Variants in NPAS2 observed in about 807,000 individuals in gnomAD.
NPAS2 encodes the protein neuronal PAS domain protein 2.
Under a neutral mutation model 107.5 loss-of-function variants are expected in NPAS2, and 23 were observed. The ratio of observed to expected loss-of-function variants is 0.21; its 90% CI spans 0.15 to 0.30. The LOEUF (loss-of-function observed/expected upper bound fraction) is 0.30, where lower values mean the gene tolerates loss of function less well. Ranked by LOEUF, NPAS2 falls within the 10% of genes least tolerant of loss-of-function variation. The pLI, the probability that NPAS2 is intolerant of heterozygous loss-of-function variation, is 1.00. For synonymous variants in NPAS2, 403 were observed against 417.5 expected (o/e 0.97, Z 0.42); for missense variants, 756 against 1,043.3 (o/e 0.72, Z 3.79).
At position 100,968,270 on chromosome 2, in the gene NPAS2, T is replaced by G. The variant is rs780011716; in HGVS notation, c.908-11T>G. 33 of 1,613,558 alleles carry G rather than the reference T, an allele frequency of 2.0e-5. No individual in the cohort carries two copies. In the East Asian group the frequency reaches 6.5e-4, roughly 32 times the overall value. On this transcript the variant is annotated splice_polypyrimidine_tract_variant and intron_variant, in intron 10 of 20. Coordinates refer to ENST00000335681, the MANE Select transcript of NPAS2 (RefSeq NM_002518.4). The surrounding 1 kb of genome is among the most constrained non-coding windows in gnomAD (Gnocchi z 5.3). ...CATTGGTTATATGCGGAATCCATTT[T>G]CTACCGACAGTGATGCAGTTTGGCA...
chr2:100,933,555 A>T (rs774009968), intron 4 of NPAS2, among the ~76,000 whole-genome samples: 1 of 152,134 alleles, frequency 6.6e-6, no homozygotes, highest in Non-Finnish European at 1.5e-5. Flanking sequence ...TGAGATGCTC[A>T]TGTTCCTCCC....
At chr2:100,841,922 T>TATGTATACCATATACATAAGTGC (rs1176726138) in intron 1 of NPAS2, among the ~76,000 whole-genome samples, 4 of 152,198 alleles carry the variant, frequency 2.6e-5, no homozygotes, top group Non-Finnish European at 4.4e-5. Context: ...ACTGCACATG[T>TATGTATACCATATACATAAGTGC]ATGTATACCA....
Position 100,941,391 on chromosome 2 carries a change from C to T in NPAS2, c.363+3549C>T, listed in dbSNP as rs139987017. 4.6e-5 allele frequency among the ~76,000 whole-genome samples: 7 copies of T among 152,170 alleles called. No homozygotes were observed. The East Asian group carries it at 5.8e-4, about 13-fold the overall frequency. ...CTAGCCTAGGTAACTCAGCAACACCCGTCTCTACAAAAAATCCAAAAATTG... is the reference window on the plus strand; with the variant it reads ...CTAGCCTAGGTAACTCAGCAACACCTGTCTCTACAAAAAATCCAAAAATTG... On this transcript the variant is annotated intron_variant, in intron 5 of 20. Coordinates refer to ENST00000335681, the MANE Select transcript of NPAS2 (RefSeq NM_002518.4).
chr2:100,869,339 AC>A (rs1407976238), intron 1 of NPAS2, among the ~76,000 whole-genome samples: 4 of 152,154 alleles, frequency 2.6e-5, no homozygotes, highest in Non-Finnish European at 5.9e-5. Context: ...ATCCAGGGTG[AC>A]CTTTTTCCTT....
chr2:100,927,775 C>T (rs923309418), intron 3 of NPAS2, among the ~76,000 whole-genome samples: 5 of 152,224 alleles, frequency 3.3e-5, no homozygotes, highest in African/African-American at 9.6e-5. Flanking sequence ...CCCTTTTCCT[C>T]TCCTTCAAAC....
In NPAS2 at chr2:100,968,036, TATCTGAGG is replaced by T. The variant is rs1477861374; in HGVS notation, c.908-240_908-233del. Among the ~76,000 whole-genome samples, 1 of 152,246 alleles carries T rather than the reference TATCTGAGG, an allele frequency of 6.6e-6. No individual in the cohort carries two copies. The highest frequency in any genetic ancestry group is 1.5e-5 in the Non-Finnish European group (1 of 68,038). On this transcript the variant is annotated intron_variant, in intron 10 of 20. Transcript: ENST00000335681. This position sits in a 1 kb window ranked among gnomAD's most constrained non-coding sequence, Gnocchi z 5.3. The stretch of plus-strand genomic sequence containing the variant: ...TTGAAAATCTGTCTGCATCTGCCCT[TATCTGAGG>T]ATCTCTTTAAGCGTCTGAGCATTTG...
chr2:100,831,824 GATCC>G (rs5832935), intron 1 of NPAS2, among the ~76,000 whole-genome samples: 85,713 of 151,444 alleles, frequency 0.57, 25,035 homozygotes, highest in East Asian at 0.75. Context: ...CCTGGATTTG[GATCC>G]AGTTCAAGGT....
In NPAS2 at chr2:100,941,773, A is replaced by G. The variant is rs150011069; in HGVS notation, c.363+3931A>G. Among the ~76,000 whole-genome samples the G allele has an allele frequency of 9.5e-4, 144 of 152,236 alleles. 2 individuals carry two copies. Among genetic ancestry groups the G allele is most frequent in the African/African-American group, 3.3e-3 (138 of 41,536 alleles). ...GCCTTGGACAGAATGGGGAAAGAGT[A>G]CGGCTGAGGCAGAACCAAATGAGAG... On this transcript the variant is annotated intron_variant, in intron 5 of 20. Coordinates refer to ENST00000335681, the MANE Select transcript of NPAS2 (RefSeq NM_002518.4).
intron 4 of NPAS2, among the ~76,000 whole-genome samples, chr2:100,933,336 G>C (rs1684090635): frequency 6.6e-6 from 1 of 152,208 alleles, no homozygotes; most frequent in Admixed American, 6.5e-5. Context: ...AGATGAATCA[G>C]CTTGCACTGT....
chr2:100,855,756 C>T (rs937796345), intron 1 of NPAS2, among the ~76,000 whole-genome samples: 1 of 152,206 alleles, frequency 6.6e-6, no homozygotes, highest in Non-Finnish European at 1.5e-5. Flanking sequence ...GGCAACCAGG[C>T]CCATTCCCCA....
intron 15 of NPAS2, among the ~76,000 whole-genome samples, chr2:100,982,028 C>T (rs1677471839): frequency 6.6e-6 from 1 of 152,218 alleles, no homozygotes; most frequent in East Asian, 1.9e-4. Flanking sequence ...CTGAGAAAGA[C>T]TGGTGCAGGG....
At chr2:100,939,131 G>A (rs1320391254) in intron 5 of NPAS2, among the ~76,000 whole-genome samples, 3 of 152,138 alleles carry the variant, frequency 2.0e-5, no homozygotes, top group East Asian at 1.9e-4. Context: ...ACATCATCCT[G>A]GGTCATACCT....
At chr2:100,990,579 G>A in intron 18 of NPAS2, 133 bp downstream of exon 18, 1 of 1,103,436 alleles carries the variant, frequency 9.1e-7, no homozygotes. Context: ...CTCAGCTAAG[G>A]AAGCAGAGGA....
intron 12 of NPAS2, among the ~76,000 whole-genome samples, 188 bp downstream of exon 12, chr2:100,971,262 A>G (rs1676531486): frequency 6.9e-6 from 1 of 145,944 alleles, no homozygotes; most frequent in South Asian, 2.2e-4. Flanking sequence ...TTGTGCCACC[A>G]TACTCCAGCC....
chr2:100,862,211 CGTAGTTCACAAACACA>C (rs1236561374), intron 1 of NPAS2, among the ~76,000 whole-genome samples: 1 of 152,162 alleles, frequency 6.6e-6, no homozygotes, highest in Admixed American at 6.5e-5. Context: ...TAAGTAGATG[CGTAGTTCACAAACACA>C]GTGGTTTTGT....
In NPAS2 at chr2:100,845,220, T is replaced by C. The variant is rs1486929500; in HGVS notation, c.-23+24806T>C. ...GTGGAATTAGGGCAGCTGTCATTTA[T>C]TAATCAACTCCTGGCCATTTGGGGC... is the stretch of plus-strand genomic sequence containing the variant. On this transcript the variant is annotated intron_variant, in intron 1 of 20. Coordinates refer to ENST00000335681, the MANE Select transcript of NPAS2 (RefSeq NM_002518.4). Among the ~76,000 whole-genome samples, 4 of 152,234 alleles carry C rather than the reference T, an allele frequency of 2.6e-5. No homozygotes were observed. The East Asian group carries it at 5.8e-4, about 22-fold the overall frequency.
intron 4 of NPAS2, among the ~76,000 whole-genome samples, chr2:100,933,575 G>A (rs1413935691): frequency 6.6e-6 from 1 of 152,134 alleles, no homozygotes; most frequent in African/African-American, 2.4e-5. Flanking sequence ...CTCTGGGTCA[G>A]AGGCCCCATA....
At chr2:100,966,663 G>A (rs1045513324) in intron 10 of NPAS2, among the ~76,000 whole-genome samples, 1 of 148,192 alleles carries the variant, frequency 6.7e-6, no homozygotes, top group Non-Finnish European at 1.5e-5. Flanking sequence ...GCGCAATCTC[G>A]GCTCACTGCA....
At chr2:100,845,680 C>T (rs1677731893) in intron 1 of NPAS2, among the ~76,000 whole-genome samples, 1 of 152,190 alleles carries the variant, frequency 6.6e-6, no homozygotes, top group Non-Finnish European at 1.5e-5. Flanking sequence ...GCTGTGAGCT[C>T]CTAACTGCCT....
Sources: allele counts gnomAD v4.1 joint callset (sites outside exome capture counted in the v4.1 genomes callset), GRCh38; gene constraint gnomAD v4.1.1; non-coding constraint Gnocchi (gnomAD v3.1); transcripts MANE v1.5; gene names NCBI Gene and HGNC (gene_info 2026-07-23, HGNC 2026-07-21).